The following TRIM14 variants were observed in gnomAD, a reference collection of about 807,000 sequenced individuals.
The protein encoded by TRIM14 is tripartite motif containing 14.
TRIM14 carries 28 observed loss-of-function variants against 44.5 expected under a neutral mutation model. The ratio of observed to expected loss-of-function variants is 0.63; its 90% CI spans 0.47 to 0.86. The LOEUF (loss-of-function observed/expected upper bound fraction) is 0.86, where lower values mean the gene tolerates loss of function less well. Among genes scored for constraint, TRIM14 ranks in the 40% least tolerant of loss-of-function variants. TRIM14 has a pLI of 0.00. For missense variants in TRIM14, 607 were observed against 611.1 expected, an observed-to-expected ratio of 0.99 and a Z score of 0.07; for synonymous variants, 299 against 269.2, an observed-to-expected ratio of 1.11 and a Z score of -1.08.
intron 6 of TRIM14, among the ~76,000 whole-genome samples, chr9:98,070,709 C>T (rs1381589341): frequency 6.6e-6 from 1 of 151,762 alleles, no homozygotes; most frequent in Non-Finnish European, 1.5e-5. Context: ...CATGAGCCAT[C>T]GCGCCTGGTC....
At chr9:98,060,183 GT>G in the TRIM14 span, among the ~76,000 whole-genome samples, 5,345 of 151,974 alleles carry the variant, frequency 0.035, 126 homozygotes, top group Non-Finnish European at 0.051. Flanking sequence ...TTGATCCAAT[GT>G]TTTTAATATT....
chr9:98,077,149 G>A, intron 6 of TRIM14: 1 of 683,936 alleles, frequency 1.5e-6, no homozygotes, highest in Non-Finnish European at 2.4e-6. Context: ...TTTAAATAGA[G>A]ATAGGGTCTC....
chr9:98,050,912 T>C, the TRIM14 span, among the ~76,000 whole-genome samples: 6,928 of 152,238 alleles, frequency 0.046, 240 homozygotes, highest in South Asian at 0.085. Context: ...TAGCTGGGTT[T>C]ACAGGCAGGC....
intron 2 of TRIM14, among the ~76,000 whole-genome samples, chr9:98,106,847 A>G (rs1468778713): frequency 7.1e-6 from 1 of 140,956 alleles, no homozygotes; most frequent in African/African-American, 2.7e-5. Context: ...TTTTTTTGAG[A>G]CATGGTCTCG....
chr9:98,076,816 C>T, intron 6 of TRIM14: 1 of 901,224 alleles, frequency 1.1e-6, no homozygotes, highest in Middle Eastern at 2.1e-4. Context: ...CCTCTACTGC[C>T]TAAGATGAGG....
chr9:98,039,891 G>A, the TRIM14 span, among the ~76,000 whole-genome samples: 1 of 152,136 alleles, frequency 6.6e-6, no homozygotes, highest in Non-Finnish European at 1.5e-5. Context: ...GGCTCTGCAT[G>A]AATTACTCTT....
the TRIM14 span, among the ~76,000 whole-genome samples, chr9:98,051,765 A>G: frequency 6.6e-6 from 1 of 152,266 alleles, no homozygotes; most frequent in East Asian, 1.9e-4. Flanking sequence ...TGGATCCCCA[A>G]AAAGAAGGGA....
intron 4 of TRIM14, among the ~76,000 whole-genome samples, 179 bp from the exon 5 acceptor site, chr9:98,092,180 G>GA (rs1826019158): frequency 6.6e-6 from 1 of 152,214 alleles, no homozygotes; most frequent in Non-Finnish European, 1.5e-5. Flanking sequence ...GCTGGTGTGG[G>GA]AGAGTCCTAA....
the TRIM14 span, among the ~76,000 whole-genome samples, chr9:98,043,239 G>A: frequency 1.1e-4 from 16 of 151,248 alleles, no homozygotes; most frequent in South Asian, 2.1e-4. Flanking sequence ...GTGCAATGGC[G>A]CGATACTGGC....
At chr9:98,070,260 GGT>G (rs1197462608) in intron 6 of TRIM14, among the ~76,000 whole-genome samples, 1 of 152,130 alleles carries the variant, frequency 6.6e-6, no homozygotes, top group Non-Finnish European at 1.5e-5. Flanking sequence ...TGGGACTACA[GGT>G]GTATGCCACC....
At chr9:98,114,893 A>T (rs1020373837) in intron 1 of TRIM14, among the ~76,000 whole-genome samples, 2 of 152,126 alleles carry the variant, frequency 1.3e-5, no homozygotes, top group East Asian at 3.9e-4. Flanking sequence ...GATAAAAGTG[A>T]TTTTTATGAT....
chr9:98,102,007 CAAAAAAAA>C (rs998993291), intron 2 of TRIM14, among the ~76,000 whole-genome samples: 16 of 57,728 alleles, frequency 2.8e-4, no homozygotes, highest in African/African-American at 9.8e-4. Flanking sequence ...GACTTTGACT[CAAAAAAAA>C]AAAAAAAAAA....
the TRIM14 span, among the ~76,000 whole-genome samples, chr9:98,050,237 A>C: frequency 6.6e-6 from 1 of 152,242 alleles, no homozygotes; most frequent in African/African-American, 2.4e-5. Context: ...CTTAAAATAT[A>C]TAAGGAGGCA....
At chr9:98,090,339 G>A (rs1273255724) in intron 5 of TRIM14, among the ~76,000 whole-genome samples, 1 of 152,176 alleles carries the variant, frequency 6.6e-6, no homozygotes, top group African/African-American at 2.4e-5. Flanking sequence ...GAAGGGTATA[G>A]TGTGAATGAT....
chr9:98,076,799 G>A lies in TRIM14; in HGVS notation c.*29-7112C>T. ...AATCTTTGCCTGCTTTCAAGTTGCT[G>A]AGCGTCCCTCTACTGCCTAAGATGA... On this transcript the variant is annotated intron_variant, in intron 6 of 6. Transcript: ENST00000375098. The A allele has an allele frequency of 1.2e-5, 9 of 723,290 alleles. No individual in the cohort carries two copies. The South Asian group carries it at 1.6e-4, about 13-fold the overall frequency. 44.8% of individuals were successfully genotyped at this position (723,290 alleles called of 1,614,324 possible). A position where few individuals can be genotyped will look rare whatever the true frequency, so the allele number is the denominator to read the frequency against.
chr9:98,091,014 A>T (rs1369685790), intron 5 of TRIM14, among the ~76,000 whole-genome samples: 1 of 152,200 alleles, frequency 6.6e-6, no homozygotes, highest in African/African-American at 2.4e-5. Flanking sequence ...GCACTTGAAT[A>T]AACTCTGCTA....
At chr9:98,110,096 C>G (rs1443151306) in intron 1 of TRIM14, 112 bp from the exon 2 acceptor site, 1 of 808,982 alleles carries the variant, frequency 1.2e-6, no homozygotes, top group Non-Finnish European at 2.1e-6. Flanking sequence ...ATGGAGGCAT[C>G]TGAAGGTGAG....
chr9:98,056,638 G>C, the TRIM14 span: 10 of 1,026,320 alleles, frequency 9.7e-6, no homozygotes, highest in Non-Finnish European at 1.1e-5. Context: ...GCCCCGATTG[G>C]CTGTCGGGAG....
At chr9:98,063,609 A>G in the TRIM14 span, among the ~76,000 whole-genome samples, 338 of 151,902 alleles carry the variant, frequency 2.2e-3, 2 homozygotes, top group African/African-American at 7.8e-3. Context: ...CGATGCAATC[A>G]TAGCTTACTG....
Sources: gnomAD v4.1 joint callset for allele counts (sites outside exome capture counted in the v4.1 genomes callset) on GRCh38, gnomAD v4.1.1 for gene constraint, MANE v1.5 for transcripts, NCBI Gene and HGNC (gene_info 2026-07-23, HGNC 2026-07-21) for gene names.